LRRC4C: variants seen among roughly 807,000 people sequenced by gnomAD.
LRRC4C encodes the protein leucine-rich repeat-containing protein 4C.
LRRC4C carries 5 observed loss-of-function variants against 33.6 expected under a neutral mutation model. The observed-to-expected ratio is 0.15, with a 90% CI of 0.08 to 0.31. The LOEUF is 0.31. Ranked by LOEUF, LRRC4C falls within the 10% of genes least tolerant of loss-of-function variation. The probability of loss-of-function intolerance (pLI) is 1.00; values close to 1 mark genes in which losing one functional copy is unlikely to be tolerated. For missense variants in LRRC4C, 560 were observed against 796.7 expected, an observed-to-expected ratio of 0.70 and a Z score of 3.58; for synonymous variants, 329 against 302.0, an observed-to-expected ratio of 1.09 and a Z score of -0.93.
chr11:40,360,961 G>T (rs927686299), intron 3 of LRRC4C, among the ~76,000 whole-genome samples: 8 of 152,122 alleles, frequency 5.3e-5, no homozygotes, highest in Non-Finnish European at 8.8e-5. Context: ...ATTAATAAAT[G>T]TGATTCATCA....
At chr11:40,282,834 T>C (rs1447275924) in intron 4 of LRRC4C, among the ~76,000 whole-genome samples, 1 of 152,226 alleles carries the variant, frequency 6.6e-6, no homozygotes, top group Non-Finnish European at 1.5e-5. Context: ...TATCCATGAA[T>C]GTATGTATGC....
intron 3 of LRRC4C, among the ~76,000 whole-genome samples, chr11:40,548,685 G>A (rs748964008): frequency 1.3e-5 from 2 of 152,006 alleles, no homozygotes; most frequent in Non-Finnish European, 1.5e-5. Context: ...AAGAACGAGG[G>A]GGCCATGATT....
intron 3 of LRRC4C, among the ~76,000 whole-genome samples, chr11:40,638,616 C>T (rs988272736): frequency 1.3e-5 from 2 of 152,024 alleles, no homozygotes; most frequent in East Asian, 3.9e-4. Context: ...ATGCCATTTT[C>T]AATCTTAATT....
chr11:40,918,576 A>G (rs1392906763), intron 2 of LRRC4C, among the ~76,000 whole-genome samples: 1 of 151,908 alleles, frequency 6.6e-6, no homozygotes, highest in African/African-American at 2.4e-5. Flanking sequence ...TTAAAAATCT[A>G]TTTCACATGA....
chr11:40,447,707 G>A (rs542334506), intron 3 of LRRC4C, among the ~76,000 whole-genome samples: 18 of 152,282 alleles, frequency 1.2e-4, no homozygotes, highest in African/African-American at 4.1e-4. Context: ...AGGCTTCTGC[G>A]TGGATCAAGG....
chr11:41,057,337 C>T (rs1296505788), intron 1 of LRRC4C, among the ~76,000 whole-genome samples: 2 of 152,192 alleles, frequency 1.3e-5, no homozygotes, highest in Non-Finnish European at 2.9e-5. Flanking sequence ...CACTGATAAG[C>T]ATAGGAGGGA....
intron 1 of LRRC4C, among the ~76,000 whole-genome samples, chr11:41,383,683 C>T (rs190753161): frequency 2.0e-5 from 3 of 151,724 alleles, no homozygotes; most frequent in Admixed American, 6.6e-5. Flanking sequence ...GAAAAACATA[C>T]ATAAACATGC....
chr11:41,000,050 T>C (rs747740723), intron 1 of LRRC4C, among the ~76,000 whole-genome samples: 1 of 152,062 alleles, frequency 6.6e-6, no homozygotes, highest in Non-Finnish European at 1.5e-5. Flanking sequence ...GAGAAGGTTG[T>C]AAAAAACCTT....
intron 2 of LRRC4C, among the ~76,000 whole-genome samples, chr11:40,711,582 G>A (rs1946467847): frequency 6.6e-6 from 1 of 152,086 alleles, no homozygotes; most frequent in Non-Finnish European, 1.5e-5. Context: ...TTATATTTAT[G>A]TGTTATGGAT....
At chr11:40,482,292 C>T (rs1422357896) in intron 3 of LRRC4C, among the ~76,000 whole-genome samples, 1 of 152,018 alleles carries the variant, frequency 6.6e-6, no homozygotes, top group Non-Finnish European at 1.5e-5. Context: ...CAGGCAAAAC[C>T]CTTAGGACAT....
chr11:41,404,950 C>T (rs1954173419), intron 1 of LRRC4C, among the ~76,000 whole-genome samples: 1 of 152,046 alleles, frequency 6.6e-6, no homozygotes, highest in Admixed American at 6.5e-5. Context: ...TATTTCTTTA[C>T]TCAGAATAGG....
chr11:41,185,645 AG>A (rs1945660906), intron 1 of LRRC4C, among the ~76,000 whole-genome samples: 1 of 152,222 alleles, frequency 6.6e-6, no homozygotes, highest in South Asian at 2.1e-4. Flanking sequence ...GTAAAGGTTC[AG>A]GGCTGTCTGT....
chr11:40,578,167 T>TTTTTTTTTTTTTTTTTTA, intron 3 of LRRC4C, among the ~76,000 whole-genome samples: 1 of 131,202 alleles, frequency 7.6e-6, no homozygotes, highest in Non-Finnish European at 1.6e-5. Flanking sequence ...TTTTTTTTTT[T>TTTTTTTTTTTTTTTTTTA]TTTGCCTCTT....
chr11:40,441,258 A>G (rs761050666), intron 3 of LRRC4C, among the ~76,000 whole-genome samples: 1 of 152,170 alleles, frequency 6.6e-6, no homozygotes, highest in African/African-American at 2.4e-5. Context: ...TATTTGCTCA[A>G]CTGCTCTCTT....
At chr11:40,952,472 G>A (rs534381549) in intron 1 of LRRC4C, among the ~76,000 whole-genome samples, 4 of 151,912 alleles carry the variant, frequency 2.6e-5, no homozygotes, top group African/African-American at 9.6e-5. Flanking sequence ...CTTTTTCTAA[G>A]CTTTCAACCT....
chr11:40,173,038 G>A (rs1860179740), intron 5 of LRRC4C, among the ~76,000 whole-genome samples: 3 of 152,166 alleles, frequency 2.0e-5, no homozygotes, highest in Non-Finnish European at 2.9e-5. Context: ...ACATCTACAA[G>A]CCAAGATAAT....
At position 40,946,115 on chromosome 11, in the gene LRRC4C, G is replaced by A. The variant is rs148514408; in HGVS notation, c.-495-12392C>T. 2.6e-3 allele frequency among the ~76,000 whole-genome samples: 400 copies of A among 152,132 alleles called. 2 individuals carry two copies. The highest frequency in any genetic ancestry group is 4.4e-3 in the Non-Finnish European group (299 of 68,006). The stretch of plus-strand genomic sequence containing the variant: ...CCTCCTCCCTCTAGTAGTCCTCAGT[G>A]TCTATTGTCAGTGTCTTTATGTCCA... On this transcript the variant is annotated intron_variant, in intron 1 of 6. Transcript: ENST00000528697.
intron 2 of LRRC4C, among the ~76,000 whole-genome samples, chr11:40,893,648 T>C (rs185012684): frequency 5.9e-4 from 90 of 152,226 alleles, no homozygotes; most frequent in Non-Finnish European, 1.0e-3. Context: ...ATTAAGGGCA[T>C]ATAATTGGTT....
At chr11:40,555,731 C>T (rs564791123) in intron 3 of LRRC4C, among the ~76,000 whole-genome samples, 87 of 152,212 alleles carry the variant, frequency 5.7e-4, no homozygotes, top group Middle Eastern at 3.4e-3. Flanking sequence ...TTCGTGACAT[C>T]CACCACCACA....
Sources: allele counts gnomAD v4.1 joint callset (sites outside exome capture counted in the v4.1 genomes callset), GRCh38; gene constraint gnomAD v4.1.1; transcripts MANE v1.5; gene names NCBI Gene and HGNC (gene_info 2026-07-23, HGNC 2026-07-21).